The following DLG1 variants were observed in gnomAD, a reference collection of about 807,000 sequenced individuals.
DLG1 encodes disks large homolog 1.
DLG1 carries 42 observed loss-of-function variants against 123.4 expected under a neutral mutation model. The ratio of observed to expected loss-of-function variants is 0.34; its 90% CI spans 0.27 to 0.44. DLG1 has a LOEUF of 0.44. Among genes scored for constraint, DLG1 ranks in the 20% least tolerant of loss-of-function variants. The pLI, the probability that DLG1 is intolerant of heterozygous loss-of-function variation, is 1.00. For missense variants in DLG1, 942 were observed against 1,082.6 expected (o/e 0.87, Z 1.82); for synonymous variants, 317 against 356.2 (o/e 0.89, Z 1.24).
At chr3:197,266,065 A>C (rs1299247874) in intron 4 of DLG1, among the ~76,000 whole-genome samples, 9 of 152,162 alleles carry the variant, frequency 5.9e-5, no homozygotes, top group African/African-American at 2.2e-4. Context: ...CAAACAAAAA[A>C]GCAGTCTGAA....
Position 197,229,193 on chromosome 3 carries a change from A to T in DLG1, c.319-34604T>A, listed in dbSNP as rs563996863. ...AGGATGCCTAAATTGAGAAATTCTA[A>T]TTTAGGGGAATGCACACTTTAACAC... On this transcript the variant is annotated intron_variant, in intron 4 of 24. Coordinates refer to ENST00000667157, the MANE Select transcript of DLG1 (RefSeq NM_001366207.1). Among the ~76,000 whole-genome samples, 13 of 152,278 alleles carry T rather than the reference A, an allele frequency of 8.5e-5. 1 individual carries two copies. The South Asian group carries it at 2.7e-3, about 32-fold the overall frequency.
At chr3:197,155,280 G>C (rs1482405684) in intron 5 of DLG1, among the ~76,000 whole-genome samples, 1 of 152,158 alleles carries the variant, frequency 6.6e-6, no homozygotes, top group Non-Finnish European at 1.5e-5. Flanking sequence ...AATACTCACT[G>C]CTAAAATAAG....
At chr3:197,259,233 A>G (rs990460993) in intron 4 of DLG1, among the ~76,000 whole-genome samples, 1 of 152,222 alleles carries the variant, frequency 6.6e-6, no homozygotes, top group Admixed American at 6.5e-5. Context: ...TTCAGTAAGA[A>G]TATTTCAACA....
At chr3:197,266,782 C>A (rs186172811) in intron 4 of DLG1, among the ~76,000 whole-genome samples, 26 of 151,582 alleles carry the variant, frequency 1.7e-4, no homozygotes, top group African/African-American at 6.1e-4. Context: ...AACATACCAA[C>A]GAAAAAGACT....
At chr3:197,146,488 T>G (rs1432188635) in intron 6 of DLG1, among the ~76,000 whole-genome samples, 1 of 151,852 alleles carries the variant, frequency 6.6e-6, no homozygotes. Context: ...AACCCAGAAA[T>G]AAAGCCAAAT....
At chr3:197,232,964 T>C (rs1315395952) in intron 4 of DLG1, among the ~76,000 whole-genome samples, 4 of 152,096 alleles carry the variant, frequency 2.6e-5, no homozygotes, top group Non-Finnish European at 4.4e-5. Flanking sequence ...ATTATTCCTA[T>C]TCAAAACTGT....
intron 16 of DLG1, among the ~76,000 whole-genome samples, chr3:197,083,641 G>C (rs983878766): frequency 1.3e-5 from 2 of 152,254 alleles, no homozygotes; most frequent in Non-Finnish European, 2.9e-5. Context: ...TATGTGCTAA[G>C]TATACACCCA....
At chr3:197,116,865 C>T (rs145591856) in intron 12 of DLG1, among the ~76,000 whole-genome samples, 5 of 152,134 alleles carry the variant, frequency 3.3e-5, no homozygotes, top group Non-Finnish European at 7.4e-5. Context: ...TAAAACCTAT[C>T]TGCAGGGGCA....
chr3:197,161,957 A>G (rs1430007062), intron 5 of DLG1, among the ~76,000 whole-genome samples: 1 of 152,178 alleles, frequency 6.6e-6, no homozygotes, highest in Non-Finnish European at 1.5e-5. Flanking sequence ...CTGTAATAAA[A>G]TGAATGCCTA....
At chr3:197,122,702 G>A (rs1486951703) in intron 11 of DLG1, among the ~76,000 whole-genome samples, 1 of 151,880 alleles carries the variant, frequency 6.6e-6, no homozygotes, top group Non-Finnish European at 1.5e-5. Context: ...ACATCAAATA[G>A]CCAGGACTAA....
At chr3:197,152,497 C>G (rs1358902454) in intron 5 of DLG1, among the ~76,000 whole-genome samples, 5 of 135,762 alleles carry the variant, frequency 3.7e-5, no homozygotes, top group African/African-American at 1.4e-4. Flanking sequence ...CAAGTTTAGG[C>G]CGGGTGCGGT....
intron 14 of DLG1, 44 bp from the exon 15 acceptor site, chr3:197,091,070 A>G (rs769412632): frequency 3.7e-6 from 5 of 1,351,366 alleles, no homozygotes; most frequent in South Asian, 2.4e-5. Context: ...TTTTCAAAAA[A>G]TAAGTTATTT....
intron 5 of DLG1, among the ~76,000 whole-genome samples, chr3:197,186,176 A>G (rs1409483239): frequency 3.9e-5 from 6 of 152,130 alleles, no homozygotes; most frequent in Admixed American, 3.3e-4. Context: ...ATATGCACAC[A>G]AAAAATCTAT....
rs533187666 is a variant in DLG1 at position 197,123,638 on chromosome 3, T to C, written c.1166-4108A>G. Among the ~76,000 whole-genome samples the C allele has an allele frequency of 8.5e-5, 13 of 152,316 alleles. No homozygotes were observed. In the East Asian group the frequency reaches 2.5e-3, roughly 29 times the overall value. On this transcript the variant is annotated intron_variant, in intron 11 of 24. Coordinates refer to ENST00000667157, the MANE Select transcript of DLG1 (RefSeq NM_001366207.1). Reference sequence around the variant, plus strand: ...AGGGTTGGTGAGGATGTAGAAAAACTGGGGTCTTAATTGCCTCCTATACTG... The same window carrying C: ...AGGGTTGGTGAGGATGTAGAAAAACCGGGGTCTTAATTGCCTCCTATACTG...
intron 13 of DLG1, among the ~76,000 whole-genome samples, chr3:197,112,719 T>C (rs1770793805): frequency 6.6e-6 from 1 of 152,056 alleles, no homozygotes; most frequent in Non-Finnish European, 1.5e-5. Context: ...GCCTCCCAAG[T>C]TGCTGGGACT....
At chr3:197,111,991 C>T (rs1390197330) in intron 13 of DLG1, among the ~76,000 whole-genome samples, 1 of 152,150 alleles carries the variant, frequency 6.6e-6, no homozygotes, top group Non-Finnish European at 1.5e-5. Flanking sequence ...TTGATGTATG[C>T]TTTCATTTGT....
At chr3:197,067,852 C>T (rs773366916) in intron 19 of DLG1, among the ~76,000 whole-genome samples, 16 of 152,132 alleles carry the variant, frequency 1.1e-4, no homozygotes, top group Non-Finnish European at 2.1e-4. Context: ...CCGCCGCGCC[C>T]GGCCAAAAAC....
At chr3:197,113,233 G>A (rs1771109219) in intron 13 of DLG1, among the ~76,000 whole-genome samples, 1 of 152,050 alleles carries the variant, frequency 6.6e-6, no homozygotes, top group African/African-American at 2.4e-5. Flanking sequence ...TTTCTTGTAT[G>A]TTTTCTTTTA....
At chr3:197,274,488 G>GATACA (rs535715267) in intron 4 of DLG1, among the ~76,000 whole-genome samples, 12 of 151,454 alleles carry the variant, frequency 7.9e-5, no homozygotes, top group African/African-American at 2.9e-4. Context: ...GACCTGAAAA[G>GATACA]ATACAATACG....
Sources: gnomAD v4.1 joint callset for allele counts (sites outside exome capture counted in the v4.1 genomes callset) on GRCh38, gnomAD v4.1.1 for gene constraint, MANE v1.5 for transcripts, NCBI Gene and HGNC (gene_info 2026-07-23, HGNC 2026-07-21) for gene names.